RUNX2: variants seen among roughly 807,000 people sequenced by gnomAD.
RUNX2 encodes runt-related transcription factor 2.
RUNX2 carries 10 observed loss-of-function variants against 51.7 expected under a neutral mutation model. The observed-to-expected ratio is 0.19, with a 90% CI of 0.12 to 0.33. The LOEUF (loss-of-function observed/expected upper bound fraction) is 0.33. RUNX2 is among the 10% of genes least tolerant of loss of function. The pLI is 1.00. For synonymous variants in RUNX2, 276 were observed against 273.6 expected (o/e 1.01, Z -0.09); for missense variants, 562 against 691.3 (o/e 0.81, Z 2.10).
intron 5 of RUNX2, among the ~76,000 whole-genome samples, chr6:45,473,571 C>A (rs1468225438): frequency 2.0e-5 from 3 of 152,124 alleles, no homozygotes; most frequent in African/African-American, 7.2e-5. Context: ...TACATTCCAC[C>A]CATTAAGGGT....
chr6:45,474,348 G>A (rs910444181), intron 5 of RUNX2, among the ~76,000 whole-genome samples: 37 of 149,972 alleles, frequency 2.5e-4, no homozygotes, highest in South Asian at 1.5e-3. Flanking sequence ...TTAAACAATG[G>A]CCACCATATT....
chr6:45,491,530 G>T (rs889539558), intron 5 of RUNX2, among the ~76,000 whole-genome samples: 26 of 151,416 alleles, frequency 1.7e-4, no homozygotes, highest in Non-Finnish European at 1.5e-5. Context: ...TTGTGACATT[G>T]TGGCTAACAT....
intron 2 of RUNX2, among the ~76,000 whole-genome samples, chr6:45,415,284 C>A (rs1798044649): frequency 6.6e-6 from 1 of 152,178 alleles, no homozygotes; most frequent in African/African-American, 2.4e-5. Context: ...CTAAAAATAA[C>A]TCTAAAGAAT....
Position 45,492,018 on chromosome 6 carries a change from C to T in RUNX2, c.763C>T (p.Pro255Ser), listed in dbSNP as rs1800492104. Residue 255 changes from proline to serine, a missense_variant, in exon 6 of 9, where the codon CCC becomes TCC. Physicochemically the swap from Pro to Ser is moderately conservative, Grantham distance 74. Transcript: ENST00000647337. ...CAGTGATTTAGGGCGCATTCCTCATCCCAGTATGAGAGTAGGTGTCCCGCC... is the reference window on the plus strand; with the variant it reads ...CAGTGATTTAGGGCGCATTCCTCATTCCAGTATGAGAGTAGGTGTCCCGCC... ...RLSDLGRIPH[P>S]SMRVGVPPQN... The T allele has an allele frequency of 1.2e-6, 2 of 1,613,674 alleles. No individual in the cohort carries two copies. The highest frequency in any genetic ancestry group is 1.7e-6 in the Non-Finnish European group (2 of 1,179,794).
At position 45,537,438 on chromosome 6, in the gene RUNX2, C is replaced by A. The variant is rs144844300; in HGVS notation, c.1022-7779C>A. ...GCTACCATGTACTGATCTGTAACTT[C>A]GACGAAATCACTTTTTTTGAGCTTG... On this transcript the variant is annotated intron_variant, in intron 7 of 8. Transcript: ENST00000647337. 1.2e-3 allele frequency among the ~76,000 whole-genome samples: 184 copies of A among 152,284 alleles called. 1 individual carries two copies. The highest frequency in any genetic ancestry group is 3.8e-3 in the Admixed American group (58 of 15,298).
intron 5 of RUNX2, among the ~76,000 whole-genome samples, chr6:45,442,148 C>T (rs969313945): frequency 2.6e-5 from 4 of 152,142 alleles, no homozygotes; most frequent in Non-Finnish European, 5.9e-5. Flanking sequence ...GGAACATAGC[C>T]GATGACTTAT....
At chr6:45,394,696 T>C (rs1324502128) in intron 2 of RUNX2, among the ~76,000 whole-genome samples, 1 of 152,174 alleles carries the variant, frequency 6.6e-6, no homozygotes, top group Non-Finnish European at 1.5e-5. Flanking sequence ...CAGTAGGGGC[T>C]GGGGTTATGT....
intron 5 of RUNX2, among the ~76,000 whole-genome samples, chr6:45,482,474 G>A (rs968152554): frequency 3.9e-5 from 6 of 152,114 alleles, no homozygotes; most frequent in African/African-American, 1.4e-4. Flanking sequence ...AATTAACATT[G>A]TACAATTCTT....
At chr6:45,356,659 C>T (rs1793252325) in intron 2 of RUNX2, among the ~76,000 whole-genome samples, 1 of 152,140 alleles carries the variant, frequency 6.6e-6, no homozygotes, top group African/African-American at 2.4e-5. Context: ...CCCACCTCAG[C>T]CTCCCAAAGT....
At position 45,537,271 on chromosome 6, in the gene RUNX2, A is replaced by T. The variant is rs151111962; in HGVS notation, c.1022-7946A>T. Among the ~76,000 whole-genome samples, 51 of 152,214 alleles carry T rather than the reference A, an allele frequency of 3.4e-4. No individual in the cohort carries two copies. The East Asian group carries it at 8.9e-3, about 27-fold the overall frequency. Reference sequence around the variant, plus strand: ...CCTCCATCCCAGGGCTGTCAGTGATAATTGGTCAGAACACTTTTCATCATT... The same window carrying T: ...CCTCCATCCCAGGGCTGTCAGTGATTATTGGTCAGAACACTTTTCATCATT... On this transcript the variant is annotated intron_variant, in intron 7 of 8. Transcript: ENST00000647337.
At chr6:45,348,060 T>A (rs1791250624) in intron 2 of RUNX2, among the ~76,000 whole-genome samples, 1 of 152,110 alleles carries the variant, frequency 6.6e-6, no homozygotes, top group Admixed American at 6.5e-5. Flanking sequence ...TGTGTATGTA[T>A]CCCTCTAAAT....
chr6:45,502,295 G>A (rs1800819977), intron 6 of RUNX2, among the ~76,000 whole-genome samples: 1 of 152,112 alleles, frequency 6.6e-6, no homozygotes, highest in Non-Finnish European at 1.5e-5. Flanking sequence ...CTCTTTCTAT[G>A]TAAGATCATC....
At chr6:45,533,609 A>C (rs1427476145) in intron 7 of RUNX2, among the ~76,000 whole-genome samples, 1 of 152,216 alleles carries the variant, frequency 6.6e-6, no homozygotes, top group Non-Finnish European at 1.5e-5. Flanking sequence ...AGTTACTACA[A>C]CACTACATTT....
chr6:45,489,231 A>G (rs1316583814), intron 5 of RUNX2, among the ~76,000 whole-genome samples: 1 of 152,192 alleles, frequency 6.6e-6, no homozygotes, highest in African/African-American at 2.4e-5. Flanking sequence ...GGGTGCCTGT[A>G]GATACTTGGA....
rs557019006 is a variant in RUNX2 at position 45,354,932 on chromosome 6, A to G, written c.58+26148A>G. On this transcript the variant is annotated intron_variant, in intron 2 of 8. Coordinates refer to ENST00000647337, the MANE Select transcript of RUNX2 (RefSeq NM_001024630.4). ...TGGTATTTTTTAATTTTTTGTATGC[A>G]TTGGAAAGAAACTGGAAAGATAAAT... Among the ~76,000 whole-genome samples the G allele has an allele frequency of 3.3e-5, 5 of 152,258 alleles. No individual in the cohort carries two copies. In the East Asian group the frequency reaches 9.6e-4, roughly 29 times the overall value.
intron 5 of RUNX2, among the ~76,000 whole-genome samples, chr6:45,461,320 C>T (rs989568378): frequency 6.6e-6 from 1 of 152,178 alleles, no homozygotes; most frequent in Non-Finnish European, 1.5e-5. Flanking sequence ...TCCATTCTAC[C>T]TCTGTCCACA....
At chr6:45,332,976 C>G (rs1266167097) in intron 2 of RUNX2, among the ~76,000 whole-genome samples, 1 of 150,868 alleles carries the variant, frequency 6.6e-6, no homozygotes, top group Non-Finnish European at 1.5e-5. Context: ...CCTCTCCTCA[C>G]CCCCCAAAAA....
chr6:45,380,356 A>C (rs1187107317), intron 2 of RUNX2, among the ~76,000 whole-genome samples: 1 of 152,236 alleles, frequency 6.6e-6, no homozygotes, highest in Non-Finnish European at 1.5e-5. Flanking sequence ...CCTGGACAAA[A>C]TTGTTAAAGA....
intron 7 of RUNX2, among the ~76,000 whole-genome samples, chr6:45,522,002 C>T (rs1050246203): frequency 6.6e-6 from 1 of 151,996 alleles, no homozygotes; most frequent in South Asian, 2.1e-4. Context: ...TACAGTTATC[C>T]CTGTTAGGTT....
Sources: gnomAD v4.1 joint callset for allele counts (sites outside exome capture counted in the v4.1 genomes callset) on GRCh38, gnomAD v4.1.1 for gene constraint, MANE v1.5 for transcripts, NCBI Gene and HGNC (gene_info 2026-07-23, HGNC 2026-07-21) for gene names.